The following DOLPP1 variants were observed in gnomAD, a reference collection of about 807,000 sequenced individuals.
DOLPP1 encodes the protein dolichyldiphosphatase 1, also known as dolichyl pyrophosphate phosphatase 1.
Under a neutral mutation model 34.1 loss-of-function variants are expected in DOLPP1, and 15 were observed. That is an observed-to-expected ratio of 0.44 (90% CI 0.29 to 0.68). The LOEUF is 0.68. DOLPP1 is among the 30% of genes least tolerant of loss of function. The probability of loss-of-function intolerance (pLI) is 0.12; values close to 1 mark genes in which losing one functional copy is unlikely to be tolerated. For missense variants in DOLPP1, 249 were observed against 307.1 expected, an observed-to-expected ratio of 0.81 and a Z score of 1.41; for synonymous variants, 130 against 128.2, an observed-to-expected ratio of 1.01 and a Z score of -0.10.
At position 129,089,649 on chromosome 9, in the gene DOLPP1, G is replaced by T. The variant is rs41276744; in HGVS notation, c.*642G>T. 2.1e-3 allele frequency: 333 copies of T among 155,438 alleles called. No homozygotes were observed. The highest frequency in any genetic ancestry group is 3.8e-3 in the Non-Finnish European group (263 of 69,844). 9.6% of individuals were successfully genotyped at this position (155,438 alleles called of 1,614,324 possible). A position where few individuals can be genotyped will look rare whatever the true frequency, so the allele number is the denominator to read the frequency against. On this transcript the variant is annotated 3_prime_UTR_variant, in exon 8 of 8. Transcript: ENST00000372546. The surrounding 1 kb of genome is among the most constrained non-coding windows in gnomAD (Gnocchi z 4.9). ...GGCCCAGAGCGAGCACGCGTCTGGC[G>T]GCTGCTGTCGTTGTGTTCTACCCCG...
At position 129,088,957 on chromosome 9, in the gene DOLPP1, A is replaced by G. The variant is rs1435907495; in HGVS notation, c.681-14A>G. 1 of 1,613,688 alleles carries G rather than the reference A, an allele frequency of 6.2e-7. No individual in the cohort carries two copies. Among genetic ancestry groups the G allele is most frequent in the Admixed American group, 1.7e-5 (1 of 60,010 alleles). On this transcript the variant is annotated splice_polypyrimidine_tract_variant and intron_variant, in intron 7 of 7. Coordinates refer to ENST00000372546, the MANE Select transcript of DOLPP1 (RefSeq NM_020438.5). ...CCAGATGTCTCCACATCTGACCCCC[A>G]TCCTGTTTTGCAGGAACAGACAACG...
chr9:129,089,207 G>C lies in DOLPP1; in HGVS notation c.*200G>C, dbSNP rs943385194. On this transcript the variant is annotated 3_prime_UTR_variant, in exon 8 of 8. Coordinates refer to ENST00000372546, the MANE Select transcript of DOLPP1 (RefSeq NM_020438.5). This position sits in a 1 kb window ranked among gnomAD's most constrained non-coding sequence, Gnocchi z 4.9. ...AGCCCCTCAACCAGGACCCTGGGGG[G>C]CCTGCTGCCTGGGGGCCGTGGCCAG... The C allele has an allele frequency of 2.0e-6, 1 of 511,432 alleles. No individual in the cohort carries two copies. Among genetic ancestry groups the C allele is most frequent in the Admixed American group, 3.2e-5 (1 of 31,328 alleles). 31.7% of individuals were successfully genotyped at this position (511,432 alleles called of 1,614,324 possible).
At position 129,086,361 on chromosome 9, in the gene DOLPP1, C is replaced by T; in HGVS notation, c.590+94C>T. The T allele has an allele frequency of 3.4e-6, 5 of 1,462,570 alleles. No homozygotes were observed. The South Asian group carries it at 5.0e-5, about 15-fold the overall frequency. 90.6% of individuals were successfully genotyped at this position (1,462,570 alleles called of 1,614,324 possible). ...CGGACCTAGGAGTCTTGACCCCAGC[C>T]CCTGTCTCCCTGGGAAGGCCCCAGT... is the stretch of plus-strand genomic sequence containing the variant. On this transcript the variant is annotated intron_variant, in intron 6 of 7. Transcript: ENST00000372546.
chr9:129,088,037 G>T (rs1847025548), intron 7 of DOLPP1, among the ~76,000 whole-genome samples: 1 of 151,280 alleles, frequency 6.6e-6, no homozygotes, highest in Admixed American at 6.6e-5. Flanking sequence ...TGTGTTCACG[G>T]CAGGCAGGGA....
intron 7 of DOLPP1, among the ~76,000 whole-genome samples, chr9:129,088,064 T>C (rs1847026130): frequency 6.7e-6 from 1 of 150,082 alleles, no homozygotes; most frequent in Non-Finnish European, 1.5e-5. Context: ...GCGACGCACC[T>C]GCCTATGTGA....
rs1429756993 is a variant in DOLPP1, at chr9:129,083,850, C to G, written c.77-818C>G. On this transcript the variant is annotated intron_variant, in intron 1 of 7. Coordinates refer to ENST00000372546, the MANE Select transcript of DOLPP1 (RefSeq NM_020438.5). ...GTGGGCATAGGAGCTGAACCATGCTCTCAGACCCCAGAGTGGCTACATAGC... is the reference window on the plus strand; with the variant it reads ...GTGGGCATAGGAGCTGAACCATGCTGTCAGACCCCAGAGTGGCTACATAGC... 2.0e-5 allele frequency among the ~76,000 whole-genome samples: 3 copies of G among 152,176 alleles called. No individual in the cohort carries two copies. The East Asian group carries it at 5.8e-4, about 29-fold the overall frequency.
At chr9:129,087,506 C>T (rs541041928) in intron 7 of DOLPP1, among the ~76,000 whole-genome samples, 35 of 152,000 alleles carry the variant, frequency 2.3e-4, no homozygotes, top group South Asian at 1.5e-3. Flanking sequence ...TTAGTAGAGA[C>T]GGGGTTTCAC....
chr9:129,086,444 C>T (rs1846990332), intron 6 of DOLPP1, among the ~76,000 whole-genome samples, 177 bp downstream of exon 6: 1 of 152,196 alleles, frequency 6.6e-6, no homozygotes, highest in African/African-American at 2.4e-5. Flanking sequence ...AGCCAGAGTG[C>T]CATCCTCTGT....
chr9:129,086,811 G>C lies in DOLPP1; in HGVS notation c.680+13G>C, dbSNP rs1464139954. ...GGGCAGAAGCCAGGTGAGTTCAGGGGACAGCAGTGCTCACTGGGCCAGCCA... is the reference window on the plus strand; with the variant it reads ...GGGCAGAAGCCAGGTGAGTTCAGGGCACAGCAGTGCTCACTGGGCCAGCCA... On this transcript the variant is annotated intron_variant, in intron 7 of 7. Coordinates refer to ENST00000372546, the MANE Select transcript of DOLPP1 (RefSeq NM_020438.5). 1 of 1,612,126 alleles carries C rather than the reference G, an allele frequency of 6.2e-7. No individual in the cohort carries two copies. Among genetic ancestry groups the C allele is most frequent in the South Asian group, 1.1e-5 (1 of 91,058 alleles).
intron 1 of DOLPP1, among the ~76,000 whole-genome samples, chr9:129,082,984 G>C (rs1281999279): frequency 6.6e-6 from 1 of 152,174 alleles, no homozygotes; most frequent in Non-Finnish European, 1.5e-5. Flanking sequence ...GTTCTTAGTT[G>C]TTTGTTGAGT....
chr9:129,088,229 G>A lies in DOLPP1; in HGVS notation c.681-742G>A, dbSNP rs563622047. ...GGAAACGTTCTCAGCAGAGGGAAGG[G>A]CATGCACAACTCCTGAAGCTGACAA... On this transcript the variant is annotated intron_variant, in intron 7 of 7. Transcript: ENST00000372546. Among the ~76,000 whole-genome samples, 6 of 151,744 alleles carry A rather than the reference G, an allele frequency of 4.0e-5. No individual in the cohort carries two copies. In the South Asian group the frequency reaches 1.3e-3, roughly 32 times the overall value.
chr9:129,086,304 T>C, intron 6 of DOLPP1, 37 bp downstream of exon 6: 1 of 1,609,120 alleles, frequency 6.2e-7, no homozygotes, highest in South Asian at 1.1e-5. Flanking sequence ...CTGTGGGCCC[T>C]GTCCCCTCCT....
rs1374796667 is a variant in DOLPP1 at position 129,081,149 on chromosome 9, G to T, written c.18G>T (p.Gln6His). The change falls in exon 1 of 8, where the codon CAG (glutamine) becomes CAT (histidine). Residue 6 changes from glutamine to histidine, a missense_variant. Transcript: ENST00000372546. MAADG[Q>H]CSLPASWRPV... ...CGGGTAAGATGGCAGCGGACGGACA[G>T]TGCTCGCTCCCCGCTTCATGGCGGC... The T allele has an allele frequency of 6.2e-7, 1 of 1,609,534 alleles. No individual in the cohort carries two copies. The highest frequency in any genetic ancestry group is 1.3e-5 in the African/African-American group (1 of 74,772).
Position 129,084,709 on chromosome 9 carries a change from C to T in DOLPP1, c.118C>T (p.Pro40Ser). 6.2e-7 allele frequency: 1 copy of T among 1,614,008 alleles called. No individual in the cohort carries two copies. Among genetic ancestry groups the T allele is most frequent in the Non-Finnish European group, 8.5e-7 (1 of 1,179,906 alleles). ...CCTCCTTGCCTACCTGAGCCTCAGC[C>T]CTGTATTTGTCATCGTCGGTTTCGT... ...GHLLAYLSLS[P>S]VFVIVGFVTL... The change falls in exon 2 of 8, where the codon CCT (proline) becomes TCT (serine). Residue 40 changes from proline to serine, a missense_variant. Transcript: ENST00000372546.
At position 129,081,125 on chromosome 9, in the gene DOLPP1, G is replaced by C. The variant is rs1176756983; in HGVS notation, c.-7G>C. On this transcript the variant is annotated 5_prime_UTR_variant, in exon 1 of 8. Transcript: ENST00000372546. ...GGCTGCTCGAAGAAGCCCGGTCTCC[G>C]GGTAAGATGGCAGCGGACGGACAGT... The C allele has an allele frequency of 1.9e-6, 3 of 1,607,638 alleles. No individual in the cohort carries two copies. The highest frequency in any genetic ancestry group is 2.2e-5 in the East Asian group (1 of 44,584).
At position 129,089,284 on chromosome 9, in the gene DOLPP1, G is replaced by A; in HGVS notation, c.*277G>A. On this transcript the variant is annotated 3_prime_UTR_variant, in exon 8 of 8. Coordinates refer to ENST00000372546, the MANE Select transcript of DOLPP1 (RefSeq NM_020438.5). This position sits in a 1 kb window ranked among gnomAD's most constrained non-coding sequence, Gnocchi z 4.9. ...CCTGGCTGGGCAGAAAGTGCCCTCG[G>A]CATGGGCACCTGGGTGTGGGGTGGA... 2.6e-6 allele frequency: 1 copy of A among 388,802 alleles called. No homozygotes were observed. The highest frequency in any genetic ancestry group is 3.8e-5 in the Admixed American group (1 of 26,256). 24.1% of individuals were successfully genotyped at this position (388,802 alleles called of 1,614,324 possible).
intron 7 of DOLPP1, among the ~76,000 whole-genome samples, chr9:129,087,302 G>A (rs2131417680): frequency 6.7e-6 from 1 of 148,522 alleles, no homozygotes. Flanking sequence ...TGGGAAGGCT[G>A]GCTTTTCTTT....
At chr9:129,082,084 A>G (rs1846900035) in intron 1 of DOLPP1, among the ~76,000 whole-genome samples, 1 of 152,234 alleles carries the variant, frequency 6.6e-6, no homozygotes, top group Non-Finnish European at 1.5e-5. Context: ...AAATACCTGC[A>G]GTTAATGTTA....
At chr9:129,083,759 A>G (rs751643022) in intron 1 of DOLPP1, among the ~76,000 whole-genome samples, 2 of 152,158 alleles carry the variant, frequency 1.3e-5, no homozygotes, top group Non-Finnish European at 2.9e-5. Context: ...AGGCACTGAT[A>G]TCCCTATTCC....
Sources: gnomAD v4.1 joint callset for allele counts (sites outside exome capture counted in the v4.1 genomes callset) on GRCh38, gnomAD v4.1.1 for gene constraint, Gnocchi (gnomAD v3.1) non-coding constraint, MANE v1.5 for transcripts, NCBI Gene and HGNC (gene_info 2026-07-23, HGNC 2026-07-21) for gene names.